The following SLC15A5 variants were observed in gnomAD, a reference collection of about 807,000 sequenced individuals.
The protein encoded by SLC15A5 is solute carrier family 15 member 5, also known as Peptide/histidine transporter ENSP00000340402.
Under a neutral mutation model 56.1 loss-of-function variants are expected in SLC15A5, and 58 were observed. The ratio of observed to expected loss-of-function variants is 1.03; its 90% CI spans 0.84 to 1.29. The LOEUF (loss-of-function observed/expected upper bound fraction) is 1.29, where lower values mean the gene tolerates loss of function less well. Among genes scored for constraint, SLC15A5 ranks in the 50% most tolerant of loss-of-function variants. SLC15A5 has a pLI of 0.00. For missense variants in SLC15A5, 681 were observed against 672.1 expected, an observed-to-expected ratio of 1.01 and a Z score of -0.15; for synonymous variants, 264 against 250.5, an observed-to-expected ratio of 1.05 and a Z score of -0.51.
Position 16,189,659 on chromosome 12 carries a change from AAC to A in SLC15A5, c.*7_*8del, listed in dbSNP as rs1422386395. 5 of 1,484,318 alleles carry A rather than the reference AAC, an allele frequency of 3.4e-6. No homozygotes were observed. Among genetic ancestry groups the A allele is most frequent in the Non-Finnish European group, 4.5e-6 (5 of 1,122,804 alleles). 91.9% of individuals were successfully genotyped at this position (1,484,318 alleles called of 1,614,324 possible). On this transcript the variant is annotated 3_prime_UTR_variant, in exon 9 of 9. Coordinates refer to ENST00000344941, the MANE Select transcript of SLC15A5 (RefSeq NM_001170798.1). ...TGTTCTCATAAGACAGGTAGACTCA[AAC>A]ACAGTTTCATAGGGCTGTCTCCCAA...
chr12:16,201,969 T>G (rs1221211307), intron 7 of SLC15A5, among the ~76,000 whole-genome samples: 3 of 152,014 alleles, frequency 2.0e-5, no homozygotes, highest in Non-Finnish European at 4.4e-5. Context: ...TCCAAATAGA[T>G]TAAAGGCCTC....
intron 3 of SLC15A5, among the ~76,000 whole-genome samples, chr12:16,246,069 A>T (rs1864458305): frequency 6.6e-6 from 1 of 152,200 alleles, no homozygotes; most frequent in Non-Finnish European, 1.5e-5. Flanking sequence ...AATCCAGCCC[A>T]AATTGGTAGT....
chr12:16,260,959 G>T (rs112631247), intron 2 of SLC15A5, among the ~76,000 whole-genome samples: 1 of 151,864 alleles, frequency 6.6e-6, no homozygotes, highest in East Asian at 1.9e-4. Context: ...CCATACAAAT[G>T]TAGGTGTATT....
chr12:16,262,348 A>G (rs1021896138), intron 2 of SLC15A5, among the ~76,000 whole-genome samples: 18 of 152,162 alleles, frequency 1.2e-4, no homozygotes, highest in Admixed American at 1.2e-3. Context: ...CATTTTATAT[A>G]TCAATCATTA....
At chr12:16,251,840 A>C (rs1025583420) in intron 3 of SLC15A5, among the ~76,000 whole-genome samples, 1 of 152,002 alleles carries the variant, frequency 6.6e-6, no homozygotes, top group African/African-American at 2.4e-5. Flanking sequence ...CTTTGATACC[A>C]AAACCAGACA....
At chr12:16,234,254 C>G (rs1366752866) in intron 5 of SLC15A5, among the ~76,000 whole-genome samples, 1 of 152,118 alleles carries the variant, frequency 6.6e-6, no homozygotes, top group Admixed American at 6.6e-5. Context: ...ACTCTCCTCC[C>G]AAAACCAACA....
chr12:16,236,030 T>G (rs1864348984), intron 5 of SLC15A5, among the ~76,000 whole-genome samples: 1 of 152,176 alleles, frequency 6.6e-6, no homozygotes, highest in African/African-American at 2.4e-5. Context: ...ACATTTAAAT[T>G]TAAATGTTAT....
At chr12:16,218,679 A>G (rs1176093351) in intron 6 of SLC15A5, among the ~76,000 whole-genome samples, 2 of 152,140 alleles carry the variant, frequency 1.3e-5, no homozygotes, top group South Asian at 4.1e-4. Flanking sequence ...ATATGATACT[A>G]TAATCTTATG....
At chr12:16,249,082 G>A (rs991042415) in intron 3 of SLC15A5, among the ~76,000 whole-genome samples, 1 of 151,738 alleles carries the variant, frequency 6.6e-6, no homozygotes, top group Non-Finnish European at 1.5e-5. Context: ...GAATATCTAT[G>A]CTACTTAATT....
In SLC15A5 at chr12:16,256,089, GT is replaced by G. The variant is rs932481146; in HGVS notation, c.754+1611del. On this transcript the variant is annotated intron_variant, in intron 3 of 8. Transcript: ENST00000344941. ...TTAAGAGCATAAATTCATAATCATAGTTTTTTTAAAGAAATCCTAATAGTTA... is the reference window on the plus strand; with the variant it reads ...TTAAGAGCATAAATTCATAATCATAGTTTTTTAAAGAAATCCTAATAGTTA... Among the ~76,000 whole-genome samples the G allele has an allele frequency of 3.3e-5, 5 of 152,218 alleles. No homozygotes were observed. The East Asian group carries it at 7.7e-4, about 23-fold the overall frequency.
chr12:16,266,973 A>G lies in SLC15A5; in HGVS notation c.584+5588T>C, dbSNP rs1018943384. ...AAAATTGTTGCTGCAAAACTCAGCAATCCTTATGAGATTATTTTAAACATT... is the reference window on the plus strand; with the variant it reads ...AAAATTGTTGCTGCAAAACTCAGCAGTCCTTATGAGATTATTTTAAACATT... On this transcript the variant is annotated intron_variant, in intron 2 of 8. Coordinates refer to ENST00000344941, the MANE Select transcript of SLC15A5 (RefSeq NM_001170798.1). Among the ~76,000 whole-genome samples the G allele has an allele frequency of 3.3e-5, 5 of 152,318 alleles. No homozygotes were observed. In the Middle Eastern group the frequency reaches 0.01, roughly 311 times the overall value.
At chr12:16,212,040 A>T (rs1304308787) in intron 7 of SLC15A5, among the ~76,000 whole-genome samples, 2 of 152,184 alleles carry the variant, frequency 1.3e-5, no homozygotes, top group Non-Finnish European at 2.9e-5. Flanking sequence ...GCTGACATGA[A>T]TCCTTAAAGG....
At chr12:16,267,887 C>A (rs1273228817) in intron 2 of SLC15A5, among the ~76,000 whole-genome samples, 2 of 79,924 alleles carry the variant, frequency 2.5e-5, no homozygotes, top group Non-Finnish European at 5.2e-5. Flanking sequence ...TACAGGTTCA[C>A]CCCACCATGC....
At chr12:16,265,512 T>A (rs916781472) in intron 2 of SLC15A5, among the ~76,000 whole-genome samples, 2 of 152,178 alleles carry the variant, frequency 1.3e-5, no homozygotes, top group South Asian at 4.1e-4. Flanking sequence ...ATTATCTCAC[T>A]CTGTTGACTA....
chr12:16,207,887 A>G (rs1283366849), intron 7 of SLC15A5, among the ~76,000 whole-genome samples: 1 of 152,112 alleles, frequency 6.6e-6, no homozygotes, highest in African/African-American at 2.4e-5. Context: ...TCCTGACCTC[A>G]GGTGATCTGC....
At chr12:16,264,553 G>C (rs61916974) in intron 2 of SLC15A5, among the ~76,000 whole-genome samples, 4,801 of 152,226 alleles carry the variant, frequency 0.032, 90 homozygotes, top group Admixed American at 0.04. Context: ...GAAATGTGAG[G>C]ATATGAGATT....
At chr12:16,212,140 C>T (rs1348343604) in intron 7 of SLC15A5, among the ~76,000 whole-genome samples, 1 of 152,136 alleles carries the variant, frequency 6.6e-6, no homozygotes, top group African/African-American at 2.4e-5. Flanking sequence ...ATGGTCACTT[C>T]TGTCAAAAAA....
intron 2 of SLC15A5, among the ~76,000 whole-genome samples, chr12:16,266,233 A>G (rs545855846): frequency 6.6e-6 from 1 of 152,336 alleles, no homozygotes; most frequent in East Asian, 1.9e-4. Context: ...TTGTGGCTGT[A>G]GCAACACAGA....
intron 7 of SLC15A5, among the ~76,000 whole-genome samples, chr12:16,209,121 G>C (rs930188230): frequency 2.0e-5 from 3 of 150,568 alleles, no homozygotes; most frequent in Non-Finnish European, 2.9e-5. Context: ...AGTGATCATA[G>C]TGTTGCTAAA....
Sources: allele counts gnomAD v4.1 joint callset (sites outside exome capture counted in the v4.1 genomes callset), GRCh38; gene constraint gnomAD v4.1.1; transcripts MANE v1.5; gene names NCBI Gene and HGNC (gene_info 2026-07-23, HGNC 2026-07-21).